Variants in GGACT observed in about 807,000 individuals in gnomAD.
GGACT encodes the protein gamma-glutamylaminecyclotransferase.
For synonymous variants in GGACT, 118 were observed against 115.3 expected (o/e 1.02, Z -0.15); for missense variants, 241 against 233.2 (o/e 1.03, Z -0.22).
At chr13:100,561,043 C>T (rs2088754850) in intron 2 of GGACT, among the ~76,000 whole-genome samples, 1 of 152,226 alleles carries the variant, frequency 6.6e-6, no homozygotes, top group South Asian at 2.1e-4. Flanking sequence ...GGAACACGTG[C>T]CTCTTCCCCC....
chr13:100,571,293 CT>C (rs1381927263), intron 2 of GGACT, among the ~76,000 whole-genome samples: 6 of 152,310 alleles, frequency 3.9e-5, no homozygotes, highest in Non-Finnish European at 8.8e-5. Context: ...CTCATCCAAA[CT>C]GATGCTGTGT....
At chr13:100,559,517 CAG>C (rs1183482747) in intron 2 of GGACT, among the ~76,000 whole-genome samples, 2 of 151,498 alleles carry the variant, frequency 1.3e-5, no homozygotes, top group Admixed American at 1.3e-4. Context: ...ATTTTTGAGA[CAG>C]AGTCTTGCTC....
rs1875268837 is a variant in GGACT, at chr13:100,577,092, T to C, written c.-11+6733A>G. Among the ~76,000 whole-genome samples, 7 of 152,344 alleles carry C rather than the reference T, an allele frequency of 4.6e-5. No homozygotes were observed. The South Asian group carries it at 1.4e-3, about 32-fold the overall frequency. ...TACAATAGATGGGATTTAAAAATTC[T>C]GACTTGAATAAACCAACTGTACAGA... is the stretch of plus-strand genomic sequence containing the variant. On this transcript the variant is annotated intron_variant, in intron 2 of 2. Transcript: ENST00000683975.
chr13:100,561,188 G>A (rs2088756655), intron 2 of GGACT, among the ~76,000 whole-genome samples: 1 of 152,150 alleles, frequency 6.6e-6, no homozygotes, highest in African/African-American at 2.4e-5. Context: ...TTTTACCAAT[G>A]ATTATCTACA....
chr13:100,574,197 G>A (rs1011380502), intron 2 of GGACT, among the ~76,000 whole-genome samples: 2 of 152,212 alleles, frequency 1.3e-5, no homozygotes, highest in African/African-American at 4.8e-5. Flanking sequence ...GACTACTACA[G>A]TCATAAAACA....
chr13:100,561,212 C>T (rs1407956443), intron 2 of GGACT, among the ~76,000 whole-genome samples: 4 of 152,180 alleles, frequency 2.6e-5, no homozygotes, highest in African/African-American at 9.7e-5. Context: ...TTTCCTTGAA[C>T]GTTGTGTTAT....
chr13:100,585,768 G>A (rs375771382), intron 1 of GGACT, among the ~76,000 whole-genome samples: 8 of 126,224 alleles, frequency 6.3e-5, no homozygotes, highest in East Asian at 2.6e-4. Flanking sequence ...GTGAGACTCC[G>A]TCTCAGGAAG....
At chr13:100,579,901 C>T (rs1875363428) in intron 2 of GGACT, 1 of 152,160 alleles carries the variant, frequency 6.6e-6, no homozygotes, top group Non-Finnish European at 1.5e-5. Flanking sequence ...AGAGGGATCA[C>T]CCCCTTTCTG....
At chr13:100,576,640 C>G (rs1026397860) in intron 2 of GGACT, among the ~76,000 whole-genome samples, 11 of 152,252 alleles carry the variant, frequency 7.2e-5, no homozygotes, top group Middle Eastern at 3.4e-3. Flanking sequence ...AAGTTGTCGT[C>G]GAAGTGAAAA....
At chr13:100,533,027 A>G (rs2088438154) in intron 2 of GGACT, among the ~76,000 whole-genome samples, 1 of 152,174 alleles carries the variant, frequency 6.6e-6, no homozygotes, top group African/African-American at 2.4e-5. Context: ...TGGATGGACT[A>G]ATGTTCCTCA....
chr13:100,585,822 CAAAAAAAAAAAAAAAAA>C (rs550006144), intron 1 of GGACT, among the ~76,000 whole-genome samples: 2,179 of 29,828 alleles, frequency 0.073, 93 homozygotes, highest in African/African-American at 0.17. Context: ...CTGTCTCCAC[CAAAAAAAAAAAAAAAAA>C]AAAAAAAAAA....
At chr13:100,587,823 C>T (rs1011251549) in intron 1 of GGACT, among the ~76,000 whole-genome samples, 1 of 152,168 alleles carries the variant, frequency 6.6e-6, no homozygotes, top group Non-Finnish European at 1.5e-5. Context: ...GTCAGGAGTT[C>T]GAGACCAGCC....
intron 2 of GGACT, chr13:100,536,004 T>C (rs1172322395): frequency 1.3e-5 from 2 of 152,296 alleles, no homozygotes; most frequent in East Asian, 3.9e-4. Flanking sequence ...CACATTTTGC[T>C]GAAGTGTATT....
chr13:100,541,545 A>G lies in GGACT; in HGVS notation c.-10-8944T>C, dbSNP rs112259591. 7.5e-3 allele frequency among the ~76,000 whole-genome samples: 1,144 copies of G among 152,268 alleles called. 17 individuals are homozygous for G. The highest frequency in any genetic ancestry group is 0.026 in the African/African-American group (1,069 of 41,538). ...CTCCACTTAACTCCATCCTTTATCAACATCTTCTAGAAATATCTACTAGCT... is the reference window on the plus strand; with the variant it reads ...CTCCACTTAACTCCATCCTTTATCAGCATCTTCTAGAAATATCTACTAGCT... On this transcript the variant is annotated intron_variant, in intron 2 of 2. Transcript: ENST00000683975.
intron 2 of GGACT, among the ~76,000 whole-genome samples, chr13:100,570,628 C>T (rs1235793962): frequency 6.6e-6 from 1 of 152,110 alleles, no homozygotes; most frequent in African/African-American, 2.4e-5. Flanking sequence ...CAGTCTGGGT[C>T]CTTACCCATC....
At chr13:100,541,243 C>T (rs560577381) in intron 2 of GGACT, among the ~76,000 whole-genome samples, 1 of 152,330 alleles carries the variant, frequency 6.6e-6, no homozygotes, top group South Asian at 2.1e-4. Context: ...GGAAAGGCAA[C>T]CTCAGAATTC....
At chr13:100,560,539 G>A (rs1306959304) in intron 2 of GGACT, among the ~76,000 whole-genome samples, 1 of 152,220 alleles carries the variant, frequency 6.6e-6, no homozygotes, top group African/African-American at 2.4e-5. Context: ...GGAATGGACA[G>A]GGAGTGAGCA....
At chr13:100,584,142 T>C (rs1317908913) in intron 1 of GGACT, 145 bp from the exon 2 acceptor site, 2 of 152,134 alleles carry the variant, frequency 1.3e-5, no homozygotes, top group African/African-American at 2.4e-5. Context: ...AGGAATATAC[T>C]TATATTCAGT....
intron 2 of GGACT, among the ~76,000 whole-genome samples, chr13:100,567,489 T>G (rs1362600973): frequency 6.6e-6 from 1 of 152,232 alleles, no homozygotes; most frequent in Non-Finnish European, 1.5e-5. Context: ...AGACTTTCCC[T>G]GTCCCAGCCC....
Sources: allele counts gnomAD v4.1 joint callset (sites outside exome capture counted in the v4.1 genomes callset), GRCh38; gene constraint gnomAD v4.1.1; transcripts MANE v1.5; gene names NCBI Gene and HGNC (gene_info 2026-07-23, HGNC 2026-07-21).